Variants in FBLIM1 observed in about 807,000 individuals in gnomAD.
FBLIM1 encodes the protein filamin-binding LIM protein 1.
FBLIM1 carries 29 observed loss-of-function variants against 37.4 expected under a neutral mutation model. The ratio of observed to expected loss-of-function variants is 0.77; its 90% CI spans 0.58 to 1.06. FBLIM1 has a LOEUF of 1.06. Among genes scored for constraint, FBLIM1 ranks in the 50% least tolerant of loss-of-function variants. The pLI, the probability that FBLIM1 is intolerant of heterozygous loss-of-function variation, is 0.00. For missense variants in FBLIM1, 449 were observed against 505.6 expected (o/e 0.89, Z 1.07); for synonymous variants, 193 against 199.0 (o/e 0.97, Z 0.25).
In FBLIM1 at chr1:15,767,560, A is replaced by G; in HGVS notation, c.435A>G (p.Pro145=). 1.4e-6 allele frequency: 1 copy of G among 724,024 alleles called. No individual in the cohort carries two copies. The highest frequency in any genetic ancestry group is 1.8e-6 in the Non-Finnish European group (1 of 541,508). 44.8% of individuals were successfully genotyped at this position (724,024 alleles called of 1,614,324 possible). A position where few individuals can be genotyped will look rare whatever the true frequency, so the allele number is the denominator to read the frequency against. ...ACCTGTCCCCGCCCCCGCCCCCACC[A>G]CAGGTACTGCCTGCCCCCCGACCCC... ...QLHLSPPPPP[P]QAPAEGPSVQ... The change falls in exon 4 of 9, where the codon CCA becomes CCG. Residue 145 remains proline (P), a synonymous_variant. Transcript: ENST00000375766.
At chr1:15,763,038 T>A (rs1254753402) in intron 1 of FBLIM1, among the ~76,000 whole-genome samples, 2 of 151,632 alleles carry the variant, frequency 1.3e-5, no homozygotes, top group African/African-American at 4.8e-5. Flanking sequence ...GCAGTTGGAC[T>A]TCATCCTGAG....
chr1:15,767,668 C>G (rs1233986294), intron 4 of FBLIM1, 105 bp downstream of exon 4: 1 of 515,072 alleles, frequency 1.9e-6, no homozygotes, highest in Non-Finnish European at 3.5e-6. Flanking sequence ...TGGACTTTGT[C>G]TGGTGCATTC....
rs2068886372 is a variant in FBLIM1, at chr1:15,765,800, C to G, written c.250+567C>G. On this transcript the variant is annotated intron_variant, in intron 3 of 8. Coordinates refer to ENST00000375766, the MANE Select transcript of FBLIM1 (RefSeq NM_017556.4). This position sits in a 1 kb window ranked among gnomAD's most constrained non-coding sequence, Gnocchi z 5.9. ...GGTCCAGGACCCCCTTTCTGCCCAC[C>G]TGCCCTGTGGCCTCGGGTCCCCCTG... is the stretch of plus-strand genomic sequence containing the variant. Among the ~76,000 whole-genome samples, 1 of 152,192 alleles carries G rather than the reference C, an allele frequency of 6.6e-6. No individual in the cohort carries two copies. Among genetic ancestry groups the G allele is most frequent in the African/African-American group, 2.4e-5 (1 of 41,458 alleles).
chr1:15,776,255 C>T (rs2069483390), intron 7 of FBLIM1, among the ~76,000 whole-genome samples: 1 of 151,852 alleles, frequency 6.6e-6, no homozygotes, highest in Non-Finnish European at 1.5e-5. Flanking sequence ...AGACTCCATC[C>T]CAAACAAAAC....
chr1:15,764,929 T>C (rs1569740621), intron 2 of FBLIM1, 35 bp from the exon 3 acceptor site: 3 of 1,550,180 alleles, frequency 1.9e-6, no homozygotes, highest in Non-Finnish European at 2.6e-6. Context: ...TGTGTCTGGG[T>C]GGCAATCCTG....
chr1:15,784,450 A>G, intron 8 of FBLIM1, 98 bp from the exon 9 acceptor site: 1 of 915,786 alleles, frequency 1.1e-6, no homozygotes, highest in Non-Finnish European at 1.7e-6. Flanking sequence ...GCATCCACTC[A>G]TGCAGTTGGT....
At chr1:15,773,313 G>T (rs1219209715) in intron 6 of FBLIM1, among the ~76,000 whole-genome samples, 1 of 148,940 alleles carries the variant, frequency 6.7e-6, no homozygotes, top group Non-Finnish European at 1.5e-5. Flanking sequence ...AACCCGGGAG[G>T]CAGAGGCTGC....
At chr1:15,768,471 G>A in intron 4 of FBLIM1, 57 bp from the exon 5 acceptor site, 1 of 1,242,402 alleles carries the variant, frequency 8.0e-7, no homozygotes, top group Non-Finnish European at 1.1e-6. Flanking sequence ...ATGAGGAACA[G>A]AGCTGGGAGG....
chr1:15,759,157 C>G (rs1387008798), intron 1 of FBLIM1, among the ~76,000 whole-genome samples: 3 of 152,142 alleles, frequency 2.0e-5, no homozygotes, highest in African/African-American at 7.2e-5. Flanking sequence ...CGGAAGCTCC[C>G]GCACAAAAGG....
chr1:15,775,768 C>T (rs570232213), intron 7 of FBLIM1, among the ~76,000 whole-genome samples: 22 of 152,048 alleles, frequency 1.4e-4, no homozygotes, highest in East Asian at 3.9e-4. Flanking sequence ...AGTAGAAATT[C>T]GGCTGGAGGA....
intron 6 of FBLIM1, among the ~76,000 whole-genome samples, chr1:15,773,689 A>AG: frequency 6.6e-6 from 1 of 152,060 alleles, no homozygotes; most frequent in Admixed American, 6.6e-5. Flanking sequence ...CAGAAAAAAA[A>AG]AAAAAAAAAA....
At chr1:15,767,319 AC>A in intron 3 of FBLIM1, 56 bp from the exon 4 acceptor site, 1 of 1,471,474 alleles carries the variant, frequency 6.8e-7, no homozygotes, top group Non-Finnish European at 9.0e-7. Flanking sequence ...GGTAAGTAAA[AC>A]CCTCCCAGGT....
chr1:15,760,553 G>C lies in FBLIM1; in HGVS notation c.-211+1705G>C, dbSNP rs955536488. 4.0e-5 allele frequency among the ~76,000 whole-genome samples: 4 copies of C among 100,016 alleles called. No homozygotes were observed. The East Asian group carries it at 1.1e-3, about 28-fold the overall frequency. 65.6% of individuals were successfully genotyped at this position (100,016 alleles called of 152,430 possible). On this transcript the variant is annotated intron_variant, in intron 1 of 8. Coordinates refer to ENST00000375766, the MANE Select transcript of FBLIM1 (RefSeq NM_017556.4). ...TCAGAAAAAAAAAAAAAAAAAAAAA[G>C]AACAGAGCTTAGAGGTGGCCCCAGA...
intron 7 of FBLIM1, 81 bp from the exon 8 acceptor site, chr1:15,777,089 G>A (rs868477217): frequency 6.9e-6 from 8 of 1,151,488 alleles, no homozygotes; most frequent in Middle Eastern, 2.9e-4. Context: ...GTGAACACCA[G>A]CCAGCCCGAG....
intron 7 of FBLIM1, among the ~76,000 whole-genome samples, chr1:15,775,596 A>C (rs975733039): frequency 7.2e-5 from 11 of 151,964 alleles, no homozygotes; most frequent in African/African-American, 2.4e-4. Flanking sequence ...AGAGATGCCT[A>C]GGATGAGGTC....
rs1158255462 is a variant in FBLIM1, at chr1:15,758,842, G to A, written c.-217G>A. 2 of 150,398 alleles carry A rather than the reference G, an allele frequency of 1.3e-5. No individual in the cohort carries two copies. Among genetic ancestry groups the A allele is most frequent in the Non-Finnish European group, 3.0e-5 (2 of 67,230 alleles). The allele number at this position is 150,398 out of a possible 1,614,324, so 9.3% of individuals were successfully genotyped here. On this transcript the variant is annotated 5_prime_UTR_variant, in exon 1 of 9. Transcript: ENST00000375766. This position sits in a 1 kb window ranked among gnomAD's most constrained non-coding sequence, Gnocchi z 6.2. The stretch of plus-strand genomic sequence containing the variant: ...GGATCGGAGCCGCCGGGGCGCGGGC[G>A]GCCCAGGTAAGCGGGCCGGGTGGGT...
intron 7 of FBLIM1, among the ~76,000 whole-genome samples, chr1:15,776,080 G>A (rs1159042603): frequency 6.6e-6 from 1 of 152,104 alleles, no homozygotes; most frequent in Non-Finnish European, 1.5e-5. Context: ...AGTGCTATGG[G>A]AGTGATGAGC....
chr1:15,768,563 C>T lies in FBLIM1; in HGVS notation c.474C>T (p.Pro158=), dbSNP rs946528845. 4 of 1,611,154 alleles carry T rather than the reference C, an allele frequency of 2.5e-6. No homozygotes were observed. The highest frequency in any genetic ancestry group is 3.4e-6 in the Non-Finnish European group (4 of 1,179,242). The change falls in exon 5 of 9, where the codon CCC becomes CCT. Residue 158 remains proline, a synonymous_variant. Coordinates refer to ENST00000375766, the MANE Select transcript of FBLIM1 (RefSeq NM_017556.4). ...PAEGPSVQPG[P]LRPMEEELPP... ...AGGGACCTTCAGTCCAGCCCGGTCC[C>T]CTCAGGCCCATGGAGGAAGAGCTGC...
At chr1:15,782,902 A>T (rs149684307) in intron 8 of FBLIM1, among the ~76,000 whole-genome samples, 1 of 150,194 alleles carries the variant, frequency 6.7e-6, no homozygotes, top group African/African-American at 2.4e-5. Flanking sequence ...GGGTTCAAAC[A>T]ATTCTGTCTC....
Sources: gnomAD v4.1 joint callset for allele counts (sites outside exome capture counted in the v4.1 genomes callset) on GRCh38, gnomAD v4.1.1 for gene constraint, Gnocchi (gnomAD v3.1) non-coding constraint, MANE v1.5 for transcripts, NCBI Gene and HGNC (gene_info 2026-07-23, HGNC 2026-07-21) for gene names.